Variants in GPC6 observed in about 807,000 individuals in gnomAD.
GPC6 encodes the protein glypican-6.
Under a neutral mutation model 55.2 loss-of-function variants are expected in GPC6, and 14 were observed. The ratio of observed to expected loss-of-function variants is 0.25; its 90% CI spans 0.17 to 0.40. The LOEUF (loss-of-function observed/expected upper bound fraction) is 0.40. Among genes scored for constraint, GPC6 ranks in the 10% least tolerant of loss-of-function variants. GPC6 has a pLI of 1.00. For synonymous variants in GPC6, 278 were observed against 259.6 expected, an observed-to-expected ratio of 1.07 and a Z score of -0.68; for missense variants, 641 against 708.5, an observed-to-expected ratio of 0.90 and a Z score of 1.08.
At chr13:93,418,685 G>A (rs1261608282) in intron 1 of GPC6, among the ~76,000 whole-genome samples, 1 of 150,596 alleles carries the variant, frequency 6.6e-6, no homozygotes, top group Non-Finnish European at 1.5e-5. Flanking sequence ...TTTATTAATA[G>A]TGCTATACCG....
At chr13:93,926,253 C>A (rs1294384875) in intron 3 of GPC6, among the ~76,000 whole-genome samples, 1 of 152,104 alleles carries the variant, frequency 6.6e-6, no homozygotes, top group African/African-American at 2.4e-5. Flanking sequence ...CTAGATACAA[C>A]AAACCACATA....
chr13:94,067,195 G>T (rs542824406), intron 4 of GPC6, among the ~76,000 whole-genome samples: 1 of 152,212 alleles, frequency 6.6e-6, no homozygotes, highest in East Asian at 1.9e-4. Context: ...CTCAATATTA[G>T]GGTAAATATG....
chr13:94,019,031 A>G (rs1442681461), intron 3 of GPC6, among the ~76,000 whole-genome samples: 1 of 152,054 alleles, frequency 6.6e-6, no homozygotes. Context: ...TTCTTTCCTT[A>G]TTATGTCTTT....
At chr13:94,342,686 G>A (rs938313757) in intron 6 of GPC6, among the ~76,000 whole-genome samples, 19 of 152,110 alleles carry the variant, frequency 1.2e-4, no homozygotes, top group Admixed American at 6.5e-5. Context: ...GGAATCCCAC[G>A]GGGAAATTCT....
At chr13:94,056,162 C>T (rs912980098) in intron 4 of GPC6, among the ~76,000 whole-genome samples, 1 of 152,170 alleles carries the variant, frequency 6.6e-6, no homozygotes, top group Admixed American at 6.5e-5. Context: ...TTTCTTCTTT[C>T]CCACAGCCAT....
At chr13:94,123,645 C>G (rs781402220) in intron 4 of GPC6, among the ~76,000 whole-genome samples, 2 of 151,844 alleles carry the variant, frequency 1.3e-5, no homozygotes, top group Non-Finnish European at 2.9e-5. Context: ...TGCCACAAAT[C>G]TTTGAGCTCT....
chr13:93,316,003 AT>A (rs1013794587), intron 1 of GPC6, among the ~76,000 whole-genome samples: 21 of 152,020 alleles, frequency 1.4e-4, no homozygotes, highest in Non-Finnish European at 3.1e-4. Flanking sequence ...AGTCTCAATG[AT>A]TTTTTCACAG....
At chr13:93,755,669 A>T (rs1432715582) in intron 2 of GPC6, among the ~76,000 whole-genome samples, 4 of 152,308 alleles carry the variant, frequency 2.6e-5, no homozygotes. Flanking sequence ...TTAAAAAGAG[A>T]TTCTAAAACC....
intron 1 of GPC6, among the ~76,000 whole-genome samples, chr13:93,232,777 A>T (rs532589866): frequency 6.6e-6 from 1 of 152,310 alleles, no homozygotes; most frequent in South Asian, 2.1e-4. Context: ...ACACAAAATT[A>T]TTGAGTAGTT....
intron 1 of GPC6, among the ~76,000 whole-genome samples, chr13:93,263,526 G>A (rs1253926641): frequency 6.6e-6 from 1 of 151,988 alleles, no homozygotes; most frequent in South Asian, 2.1e-4. Context: ...CTCCACTCCC[G>A]GGTAATTTTT....
intron 1 of GPC6, among the ~76,000 whole-genome samples, chr13:93,474,832 G>A (rs576893852): frequency 2.0e-5 from 3 of 152,082 alleles, no homozygotes; most frequent in Middle Eastern, 3.2e-3. Flanking sequence ...ATTTTTTAAA[G>A]TAATTATAAT....
intron 1 of GPC6, among the ~76,000 whole-genome samples, chr13:93,444,713 A>C (rs971768903): frequency 6.6e-6 from 1 of 152,218 alleles, no homozygotes; most frequent in African/African-American, 2.4e-5. Flanking sequence ...TCAGGACACA[A>C]ACTCTCATAA....
chr13:94,286,241 G>C, intron 4 of GPC6, 108 bp from the exon 5 acceptor site: 1 of 1,115,428 alleles, frequency 9.0e-7, no homozygotes, highest in South Asian at 1.3e-5. Context: ...ATTTAAAAAC[G>C]TGAATGCACC....
intron 5 of GPC6, among the ~76,000 whole-genome samples, chr13:94,288,779 TATATATATA>T (rs1874698926): frequency 1.6e-5 from 1 of 63,794 alleles, no homozygotes; most frequent in East Asian, 5.5e-4. Flanking sequence ...ATATATTTGT[TATATATATA>T]ATAAATATAT....
intron 3 of GPC6, among the ~76,000 whole-genome samples, chr13:93,856,601 A>C (rs1888619392): frequency 6.6e-6 from 1 of 151,678 alleles, no homozygotes; most frequent in Non-Finnish European, 1.5e-5. Flanking sequence ...TAGTTGGTGC[A>C]CAGGCTTGGG....
At chr13:94,402,127 G>A (rs1306045078) in intron 8 of GPC6, among the ~76,000 whole-genome samples, 2 of 152,204 alleles carry the variant, frequency 1.3e-5, no homozygotes, top group Non-Finnish European at 2.9e-5. Flanking sequence ...TTGCTCTCAG[G>A]AGAACACAGG....
At chr13:93,461,681 G>A (rs921827574) in intron 1 of GPC6, among the ~76,000 whole-genome samples, 2 of 149,360 alleles carry the variant, frequency 1.3e-5, no homozygotes, top group African/African-American at 2.5e-5. Context: ...TTGGGGGGGG[G>A]TGTTGATGAT....
At chr13:93,547,174 C>CAAAA (rs55697128) in intron 2 of GPC6, among the ~76,000 whole-genome samples, 5 of 129,068 alleles carry the variant, frequency 3.9e-5, no homozygotes, top group Admixed American at 1.6e-4. Context: ...ACTAAAAATA[C>CAAAA]AAAAAAAAAA....
intron 1 of GPC6, among the ~76,000 whole-genome samples, chr13:93,319,684 T>C (rs1338161900): frequency 2.6e-5 from 4 of 152,056 alleles, no homozygotes; most frequent in Non-Finnish European, 4.4e-5. Context: ...AGTAATAAAA[T>C]TAAGTCCCAG....
Sources: gnomAD v4.1 joint callset for allele counts (sites outside exome capture counted in the v4.1 genomes callset) on GRCh38, gnomAD v4.1.1 for gene constraint, MANE v1.5 for transcripts, NCBI Gene and HGNC (gene_info 2026-07-23, HGNC 2026-07-21) for gene names.